SPTBN4: variants seen among roughly 807,000 people sequenced by gnomAD.
SPTBN4 encodes the protein spectrin beta, non-erythrocytic 4.
In SPTBN4, 96 loss-of-function variants were observed where a neutral mutation model predicts 277.8. The ratio of observed to expected loss-of-function variants is 0.35; its 90% CI spans 0.29 to 0.41. The LOEUF (loss-of-function observed/expected upper bound fraction) is 0.41. SPTBN4 is among the 10% of genes least tolerant of loss of function. The pLI is 1.00. For missense variants in SPTBN4, 3,006 were observed against 3,595.7 expected (o/e 0.84, Z 4.19); for synonymous variants, 1,481 against 1,580.3 (o/e 0.94, Z 1.49).
chr19:40,476,277 G>A (rs942940074), intron 2 of SPTBN4, among the ~76,000 whole-genome samples: 3 of 149,512 alleles, frequency 2.0e-5, no homozygotes, highest in Non-Finnish European at 4.5e-5. Context: ...CCTCAGAGGC[G>A]GAGGTTGCAG....
chr19:40,573,826 G>T (rs1257168175), intron 35 of SPTBN4, among the ~76,000 whole-genome samples: 2 of 151,148 alleles, frequency 1.3e-5, no homozygotes, highest in African/African-American at 4.9e-5. Context: ...AACAGGCCGG[G>T]CATGGTGGCT....
chr19:40,490,808 C>T lies in SPTBN4; in HGVS notation c.495+560C>T, dbSNP rs866551761. On this transcript the variant is annotated intron_variant, in intron 4 of 35. Transcript: ENST00000598249. This position sits in a 1 kb window ranked among gnomAD's most constrained non-coding sequence, Gnocchi z 4.3. ...AGTGGCCTGTAAACCCAGCACTTTGCGAGGCTGAGATGGGAGGAACACTAA... is the reference window on the plus strand; with the variant it reads ...AGTGGCCTGTAAACCCAGCACTTTGTGAGGCTGAGATGGGAGGAACACTAA... Among the ~76,000 whole-genome samples the T allele has an allele frequency of 1.3e-5, 2 of 152,000 alleles. No homozygotes were observed. Among genetic ancestry groups the T allele is most frequent in the African/African-American group, 2.4e-5 (1 of 41,370 alleles).
At position 40,519,827 on chromosome 19, in the gene SPTBN4, G is replaced by A; in HGVS notation, c.3330G>A (p.Ala1110=). 1 of 1,433,382 alleles carries A rather than the reference G, an allele frequency of 7.0e-7. No homozygotes were observed. The highest frequency in any genetic ancestry group is 3.0e-5 in the Admixed American group (1 of 33,004). 88.8% of individuals were successfully genotyped at this position (1,433,382 alleles called of 1,614,324 possible). ...ACTGGCTCGTGCGCGCCCAGGAGGC[G>A]GCGGGCGGCAGCGAGGGGCCCCTGC... ...FLDWLVRAQE[A]AGGSEGPLPN... is the part of the protein sequence containing the mutation. The change falls in exon 16 of 36, where the codon GCG becomes GCA. Residue 1110 remains alanine (A), a synonymous_variant. Coordinates refer to ENST00000598249, the MANE Select transcript of SPTBN4 (RefSeq NM_020971.3). The surrounding 1 kb of genome is among the most constrained non-coding windows in gnomAD (Gnocchi z 5.7).
intron 15 of SPTBN4, among the ~76,000 whole-genome samples, chr19:40,517,417 C>T (rs535992049): frequency 1.6e-4 from 25 of 152,114 alleles, no homozygotes; most frequent in Non-Finnish European, 2.8e-4. Context: ...CTGCCTCAGC[C>T]TCTTGAGTAG....
At chr19:40,484,311 A>G (rs939537041) in intron 2 of SPTBN4, among the ~76,000 whole-genome samples, 2 of 152,244 alleles carry the variant, frequency 1.3e-5, no homozygotes, top group African/African-American at 4.8e-5. Flanking sequence ...CTGGAAATAT[A>G]CATCTTTATT....
intron 7 of SPTBN4, among the ~76,000 whole-genome samples, chr19:40,498,411 TTATTTA>T: frequency 6.6e-6 from 1 of 150,432 alleles, no homozygotes; most frequent in African/African-American, 2.4e-5. Flanking sequence ...ATTTATTTAT[TTATTTA>T]TTTTTTTAGA....
At chr19:40,475,282 T>C (rs1286622120) in intron 2 of SPTBN4, among the ~76,000 whole-genome samples, 1 of 152,054 alleles carries the variant, frequency 6.6e-6, no homozygotes, top group Non-Finnish European at 1.5e-5. Flanking sequence ...CTTTGACCCT[T>C]GGGACCTTAA....
At chr19:40,476,072 C>T (rs1395032288) in intron 2 of SPTBN4, among the ~76,000 whole-genome samples, 1 of 151,426 alleles carries the variant, frequency 6.6e-6, no homozygotes, top group Non-Finnish European at 1.5e-5. Flanking sequence ...TGGTTAGGCG[C>T]GGTAGCTCAC....
chr19:40,487,757 G>C lies in SPTBN4; in HGVS notation c.230G>C (p.Arg77Pro). The C allele has an allele frequency of 6.2e-7, 1 of 1,613,518 alleles. No homozygotes were observed. The highest frequency in any genetic ancestry group is 8.5e-7 in the Non-Finnish European group (1 of 1,179,782). Residue 77 changes from arginine to proline, a missense_variant, in exon 3 of 36, where the codon CGC becomes CCC. Physicochemically the swap from Arg to Pro is moderately radical, Grantham distance 103. Around this residue, in one of 5 missense-constraint regions of SPTBN4, gnomAD observed 114 missense variants for 196.1 expected, o/e 0.58. Coordinates refer to ENST00000598249, the MANE Select transcript of SPTBN4 (RefSeq NM_020971.3). ...FTKWVNSHLA[R>P]VGCHIGDLYV... is the part of the protein sequence containing the mutation. ...AAGTGGGTGAACTCGCACCTCGCCC[G>C]CGTGGGCTGCCACATCGGGGACCTC...
chr19:40,562,355 C>G (rs1258910332), intron 27 of SPTBN4, among the ~76,000 whole-genome samples: 3 of 151,808 alleles, frequency 2.0e-5, no homozygotes, highest in Non-Finnish European at 4.4e-5. Flanking sequence ...TGTGGCGAAA[C>G]CCCGCCTCTA....
intron 13 of SPTBN4, among the ~76,000 whole-genome samples, chr19:40,511,078 A>G (rs1047225518): frequency 1.3e-5 from 2 of 152,026 alleles, no homozygotes; most frequent in African/African-American, 4.8e-5. Flanking sequence ...ACATGCATAC[A>G]TGGGCACACA....
intron 3 of SPTBN4, 145 bp from the exon 4 acceptor site, chr19:40,489,930 G>A: frequency 1.3e-6 from 1 of 771,744 alleles, no homozygotes; most frequent in African/African-American, 1.8e-5. Flanking sequence ...CTGTGTCTTG[G>A]ATAAAACGAG....
At chr19:40,518,044 G>A (rs556119800) in intron 15 of SPTBN4, among the ~76,000 whole-genome samples, 38 of 152,276 alleles carry the variant, frequency 2.5e-4, no homozygotes, top group African/African-American at 6.7e-4. Flanking sequence ...GGTGGCTCAC[G>A]CCTGTAATCC....
chr19:40,516,023 G>GTATATATACACATATATATGTATA (rs1555816370), intron 15 of SPTBN4, among the ~76,000 whole-genome samples: 47 of 139,190 alleles, frequency 3.4e-4, no homozygotes, highest in South Asian at 2.1e-3. Context: ...ACACATATAC[G>GTATATATACACATATATATGTATA]TATATATACA....
At chr19:40,505,625 G>A (rs949459281) in intron 12 of SPTBN4, among the ~76,000 whole-genome samples, 53 of 151,310 alleles carry the variant, frequency 3.5e-4, no homozygotes, top group Non-Finnish European at 8.8e-5. Context: ...AGCTGAGATC[G>A]CGCCACTGCA....
In SPTBN4 at chr19:40,529,253, A is replaced by G; in HGVS notation, c.3948+122A>G. ...TGGGTCGCGGAGCGATGCTCGCTCT[A>G]AGCCGCCAGGGGGCGCGCGGAGCCG... On this transcript the variant is annotated intron_variant, in intron 18 of 35. Transcript: ENST00000598249. 6.4e-6 allele frequency: 6 copies of G among 936,132 alleles called. No individual in the cohort carries two copies. The South Asian group carries it at 8.9e-5, about 14-fold the overall frequency. The allele number at this position is 936,132 out of a possible 1,614,324, so 58.0% of individuals were successfully genotyped here. A position where few individuals can be genotyped will look rare whatever the true frequency, so the allele number is the denominator to read the frequency against.
At chr19:40,539,308 T>C (rs1302460113) in intron 20 of SPTBN4, among the ~76,000 whole-genome samples, 6 of 152,168 alleles carry the variant, frequency 3.9e-5, no homozygotes, top group Admixed American at 3.3e-4. Flanking sequence ...CTCCTTGCAA[T>C]GGGAAGGACC....
At chr19:40,514,465 G>A (rs967913546) in intron 14 of SPTBN4, among the ~76,000 whole-genome samples, 15 of 152,132 alleles carry the variant, frequency 9.9e-5, no homozygotes, top group African/African-American at 3.6e-4. Flanking sequence ...CAGGGCGGGA[G>A]GTAAGTAAAC....
Position 40,567,898 on chromosome 19 carries a change from G to T in SPTBN4, c.6572G>T (p.Arg2191Leu), listed in dbSNP as rs1488159826. The T allele has an allele frequency of 2.0e-6, 3 of 1,522,878 alleles. No individual in the cohort carries two copies. The highest frequency in any genetic ancestry group is 2.9e-5 in the African/African-American group (2 of 69,184). 94.3% of individuals were successfully genotyped at this position (1,522,878 alleles called of 1,614,324 possible). A position where few individuals can be genotyped will look rare whatever the true frequency, so the allele number is the denominator to read the frequency against. The change falls in exon 31 of 36, where the codon CGC (arginine) becomes CTC (leucine). Residue 2191 changes from arginine to leucine, a missense_variant. Physicochemically the swap from Arg to Leu is moderately radical, Grantham distance 102. Transcript: ENST00000598249. Reference sequence around the variant, plus strand: ...CTCAAGCCCGAGCGCCTCCAGCCGCGCATTGACCGGCTGCCGGAGATCCCG... The same window carrying T: ...CTCAAGCCCGAGCGCCTCCAGCCGCTCATTGACCGGCTGCCGGAGATCCCG... ...QELKPERLQPRIDRLPEIPGR... is the reference protein window; with the variant it reads ...QELKPERLQPLIDRLPEIPGR...
Sources: allele counts gnomAD v4.1 joint callset (sites outside exome capture counted in the v4.1 genomes callset), GRCh38; gene constraint gnomAD v4.1.1; regional missense constraint gnomAD v4.1.1; non-coding constraint Gnocchi (gnomAD v3.1); transcripts MANE v1.5; gene names NCBI Gene and HGNC (gene_info 2026-07-23, HGNC 2026-07-21).